AP2B1: variants seen among roughly 807,000 people sequenced by gnomAD.
AP2B1 encodes the protein adaptor related protein complex 2 subunit beta 1, also known as AP-2 complex subunit beta.
In AP2B1, 23 loss-of-function variants were observed where a neutral mutation model predicts 102.0. The ratio of observed to expected loss-of-function variants is 0.23; its 90% CI spans 0.16 to 0.32. The LOEUF (loss-of-function observed/expected upper bound fraction) is 0.32. Ranked by LOEUF, AP2B1 falls within the 10% of genes least tolerant of loss-of-function variation. The pLI, the probability that AP2B1 is intolerant of heterozygous loss-of-function variation, is 1.00. For missense variants in AP2B1, 541 were observed against 1,157.4 expected (o/e 0.47, Z 7.73); for synonymous variants, 381 against 421.2 (o/e 0.90, Z 1.17).
intron 5 of AP2B1, among the ~76,000 whole-genome samples, chr17:35,620,511 TTCTC>T (rs1398695198): frequency 2.0e-5 from 3 of 151,990 alleles, no homozygotes; most frequent in Admixed American, 1.3e-4. Context: ...AAGCGAAACT[TTCTC>T]TAGAAACCCC....
chr17:35,717,553 C>G (rs781988886), intron 21 of AP2B1, among the ~76,000 whole-genome samples: 40 of 152,326 alleles, frequency 2.6e-4, no homozygotes, highest in South Asian at 2.1e-4. Flanking sequence ...GGAATGGTAT[C>G]TCTGGCAAGT....
chr17:35,719,817 G>A (rs1224463023), intron 21 of AP2B1, among the ~76,000 whole-genome samples: 2 of 152,120 alleles, frequency 1.3e-5, no homozygotes, highest in African/African-American at 4.8e-5. Context: ...TCAACATAGT[G>A]GGACCCCATC....
intron 2 of AP2B1, among the ~76,000 whole-genome samples, chr17:35,595,723 T>C (rs225299): frequency 0.5 from 75,227 of 151,762 alleles, 18,706 homozygotes; most frequent in East Asian, 0.52. Flanking sequence ...TTAGTACCCC[T>C]CTTTGGTCCT....
chr17:35,714,614 G>A (rs1417927009), intron 20 of AP2B1, among the ~76,000 whole-genome samples: 1 of 152,188 alleles, frequency 6.6e-6, no homozygotes, highest in Admixed American at 6.5e-5. Flanking sequence ...GGAGCCTGAG[G>A]CAGGAGGATA....
intron 20 of AP2B1, among the ~76,000 whole-genome samples, chr17:35,716,549 G>A (rs929587259): frequency 7.3e-5 from 11 of 151,684 alleles, no homozygotes; most frequent in East Asian, 1.9e-4. Flanking sequence ...AGTTTGTTTC[G>A]TTATTATTTT....
intron 5 of AP2B1, among the ~76,000 whole-genome samples, chr17:35,613,847 G>T (rs2073936574): frequency 6.6e-6 from 1 of 152,140 alleles, no homozygotes; most frequent in Admixed American, 6.5e-5. Context: ...CGTCAGATGT[G>T]GACTTTATTA....
In AP2B1 at chr17:35,679,720, C is replaced by T. The variant is rs587732782; in HGVS notation, c.2325-2975C>T. Among the ~76,000 whole-genome samples, 20 of 152,170 alleles carry T rather than the reference C, an allele frequency of 1.3e-4. No individual in the cohort carries two copies. In the South Asian group the frequency reaches 2.9e-3, roughly 22 times the overall value. ...CTGCTGCCATGTTTCCCAATATTGA[C>T]TTAATGACAGAGTTTTGATGACTGT... On this transcript the variant is annotated intron_variant, in intron 17 of 21. Coordinates refer to ENST00000610402, the MANE Select transcript of AP2B1 (RefSeq NM_001030006.2).
intron 20 of AP2B1, among the ~76,000 whole-genome samples, chr17:35,715,463 G>T (rs1026831463): frequency 6.6e-6 from 1 of 152,204 alleles, no homozygotes; most frequent in African/African-American, 2.4e-5. Context: ...TTCAACAAAG[G>T]CTCCTACTTT....
intron 6 of AP2B1, among the ~76,000 whole-genome samples, chr17:35,625,993 A>T (rs2074303168): frequency 6.6e-6 from 1 of 152,218 alleles, no homozygotes; most frequent in Non-Finnish European, 1.5e-5. Flanking sequence ...CAACCATTTT[A>T]TGAGGCATGT....
chr17:35,610,130 A>G (rs2073812683), intron 5 of AP2B1, among the ~76,000 whole-genome samples: 1 of 125,614 alleles, frequency 8.0e-6, no homozygotes, highest in African/African-American at 3.2e-5. Context: ...GTAACACCAT[A>G]TGGTACCTTT....
chr17:35,689,906 G>T (rs1227258922), intron 18 of AP2B1, among the ~76,000 whole-genome samples: 2 of 152,134 alleles, frequency 1.3e-5, no homozygotes, highest in Non-Finnish European at 1.5e-5. Context: ...TCAGCAGTTT[G>T]GCTATTATGC....
intron 21 of AP2B1, among the ~76,000 whole-genome samples, chr17:35,723,179 T>C (rs148567049): frequency 1.8e-4 from 28 of 152,340 alleles, no homozygotes; most frequent in African/African-American, 6.5e-4. Flanking sequence ...TTTCACTTGA[T>C]TGTACATCCT....
At chr17:35,626,006 G>A (rs988059326) in intron 6 of AP2B1, among the ~76,000 whole-genome samples, 3 of 152,192 alleles carry the variant, frequency 2.0e-5, no homozygotes, top group Admixed American at 2.0e-4. Context: ...AGGCATGTAA[G>A]TGTAGGTGGC....
chr17:35,708,168 A>G (rs2076380819), intron 18 of AP2B1, among the ~76,000 whole-genome samples: 4 of 152,200 alleles, frequency 2.6e-5, no homozygotes, highest in Non-Finnish European at 5.9e-5. Context: ...GCACTTTTTA[A>G]CTCTGTTTTT....
chr17:35,673,229 T>C (rs141654725), intron 16 of AP2B1, among the ~76,000 whole-genome samples: 66 of 152,270 alleles, frequency 4.3e-4, no homozygotes, highest in African/African-American at 1.5e-3. Flanking sequence ...TATTTTTTTT[T>C]AGACGGAGTC....
chr17:35,678,342 A>G (rs1257775122), intron 17 of AP2B1, among the ~76,000 whole-genome samples: 1 of 152,158 alleles, frequency 6.6e-6, no homozygotes, highest in Non-Finnish European at 1.5e-5. Flanking sequence ...GAACAGAGAC[A>G]GTTTTATCTT....
intron 13 of AP2B1, among the ~76,000 whole-genome samples, chr17:35,655,193 A>G (rs2075187101): frequency 1.3e-5 from 2 of 152,174 alleles, no homozygotes; most frequent in Admixed American, 1.3e-4. Flanking sequence ...GATTAGTCCA[A>G]TCTGTTAGTA....
At chr17:35,697,685 G>A (rs1358768361) in intron 18 of AP2B1, among the ~76,000 whole-genome samples, 1 of 152,220 alleles carries the variant, frequency 6.6e-6, no homozygotes, top group African/African-American at 2.4e-5. Flanking sequence ...AGTGCCTGCT[G>A]GGCACGGTGG....
chr17:35,624,608 A>G (rs940642706), intron 6 of AP2B1, 21 bp downstream of exon 6: 17 of 1,601,718 alleles, frequency 1.1e-5, no homozygotes, highest in African/African-American at 1.3e-5. Flanking sequence ...TTTCCTGGCT[A>G]CTTTCTGGTA....
Sources: gnomAD v4.1 joint callset for allele counts (sites outside exome capture counted in the v4.1 genomes callset) on GRCh38, gnomAD v4.1.1 for gene constraint, MANE v1.5 for transcripts, NCBI Gene and HGNC (gene_info 2026-07-23, HGNC 2026-07-21) for gene names.